Variants in NCKAP5 observed in about 807,000 individuals in gnomAD.
The protein encoded by NCKAP5 is nck-associated protein 5.
Under a neutral mutation model 167.0 loss-of-function variants are expected in NCKAP5, and 92 were observed. That is an observed-to-expected ratio of 0.55 (90% confidence interval 0.47 to 0.66). The LOEUF (loss-of-function observed/expected upper bound fraction) is 0.66, where lower values mean the gene tolerates loss of function less well. Among genes scored for constraint, NCKAP5 ranks in the 30% least tolerant of loss-of-function variants. The probability of loss-of-function intolerance (pLI) is 0.00; values close to 1 mark genes in which losing one functional copy is unlikely to be tolerated. For missense variants in NCKAP5, 2,378 were observed against 2,315.0 expected, an observed-to-expected ratio of 1.03 and a Z score of -0.56; for synonymous variants, 891 against 877.4, an observed-to-expected ratio of 1.02 and a Z score of -0.27.
intron 5 of NCKAP5, among the ~76,000 whole-genome samples, chr2:133,211,181 G>C (rs1403375492): frequency 1.3e-5 from 2 of 151,860 alleles, no homozygotes; most frequent in Non-Finnish European, 2.9e-5. Context: ...ACCTACTTCA[G>C]GTTTTGCTCA....
rs529674129 is a variant in NCKAP5, at chr2:132,790,118, T to C, written c.997A>G (p.Ser333Gly). ...PGHLCPRNSY[S>G]SSSELSLSST... ...GAAAGAGACAGTTCACTGCTGCTAC[T>C]GTAGCTGTTTCGAGGACAGAGATGA... is the stretch of plus-strand genomic sequence containing the variant. The change falls in exon 13 of 20, where the codon AGT becomes GGT. Residue 333 changes from serine to glycine, a missense_variant. By Grantham distance (56) the Ser-to-Gly change is moderately conservative. Coordinates refer to ENST00000409261, the MANE Select transcript of NCKAP5 (RefSeq NM_207363.3). The C allele has an allele frequency of 1.2e-6, 2 of 1,613,682 alleles. No homozygotes were observed. Among genetic ancestry groups the C allele is most frequent in the Non-Finnish European group, 1.7e-6 (2 of 1,179,764 alleles).
At chr2:133,566,657 C>T (rs1182658343) in intron 1 of NCKAP5, among the ~76,000 whole-genome samples, 1 of 152,180 alleles carries the variant, frequency 6.6e-6, no homozygotes, top group East Asian at 1.9e-4. Context: ...GGGACACATG[C>T]TGGAATGAAC....
rs932807133 is a variant in NCKAP5, at chr2:132,782,408, A to C, written c.4403T>G (p.Leu1468Arg). Residue 1468 changes from leucine (L) to arginine (R), a missense_variant, in exon 14 of 20, where the codon CTC (leucine) becomes CGC (arginine). By Grantham distance (102) the Leu-to-Arg change is moderately radical. Transcript: ENST00000409261. ...ATDAVSSEAP[L>R]SPTIEEKVML... ...GACCTTTTCTTCGATTGTGGGTGAG[A>C]GGGGGGCTTCTGAACTCACAGCATC... The C allele has an allele frequency of 6.2e-7, 1 of 1,613,894 alleles. No individual in the cohort carries two copies. The highest frequency in any genetic ancestry group is 1.3e-5 in the African/African-American group (1 of 74,998).
intron 3 of NCKAP5, among the ~76,000 whole-genome samples, chr2:133,508,750 T>C (rs1575079068): frequency 6.6e-6 from 1 of 152,228 alleles, no homozygotes; most frequent in African/African-American, 2.4e-5. Context: ...GAAACTTGTA[T>C]GATCTGATGA....
At chr2:133,093,836 C>A (rs1333637828) in intron 6 of NCKAP5, among the ~76,000 whole-genome samples, 1 of 152,170 alleles carries the variant, frequency 6.6e-6, no homozygotes, top group Non-Finnish European at 1.5e-5. Flanking sequence ...CTAAACTAGG[C>A]AAGGAGTAAT....
At chr2:133,485,710 G>T (rs560513488) in intron 3 of NCKAP5, among the ~76,000 whole-genome samples, 2 of 152,104 alleles carry the variant, frequency 1.3e-5, no homozygotes, top group African/African-American at 4.8e-5. Context: ...ATATTATATG[G>T]ATAACTCACT....
intron 5 of NCKAP5, among the ~76,000 whole-genome samples, chr2:133,173,071 T>C (rs184835415): frequency 9.2e-5 from 14 of 152,250 alleles, no homozygotes; most frequent in African/African-American, 2.9e-4. Flanking sequence ...CACTGAGGGC[T>C]GCATCCTCAA....
At chr2:133,440,151 C>T (rs1690743127) in intron 3 of NCKAP5, among the ~76,000 whole-genome samples, 1 of 152,124 alleles carries the variant, frequency 6.6e-6, no homozygotes, top group South Asian at 2.1e-4. Flanking sequence ...ATAGTAGGAG[C>T]TTGATTGGTA....
chr2:133,544,807 A>G (rs1241880619), intron 2 of NCKAP5, among the ~76,000 whole-genome samples: 2 of 152,218 alleles, frequency 1.3e-5, no homozygotes, highest in Non-Finnish European at 2.9e-5. Context: ...ATGATTACTT[A>G]TACTTTCAGT....
At chr2:133,448,370 G>A (rs145990997) in intron 3 of NCKAP5, among the ~76,000 whole-genome samples, 9 of 152,176 alleles carry the variant, frequency 5.9e-5, no homozygotes, top group Admixed American at 4.6e-4. Flanking sequence ...GTATTTCATT[G>A]ACATGAGAGG....
the NCKAP5 span, among the ~76,000 whole-genome samples, chr2:133,612,912 T>C: frequency 3.3e-5 from 5 of 152,096 alleles, no homozygotes; most frequent in Non-Finnish European, 7.4e-5. Flanking sequence ...CCACACACCA[T>C]TGGTAAGTAG....
At chr2:133,350,954 C>T (rs1232527693) in intron 3 of NCKAP5, among the ~76,000 whole-genome samples, 1 of 152,144 alleles carries the variant, frequency 6.6e-6, no homozygotes, top group Non-Finnish European at 1.5e-5. Context: ...CTTCCACAGA[C>T]TAGATCACAT....
chr2:133,135,755 C>T (rs1025159933), intron 5 of NCKAP5, among the ~76,000 whole-genome samples: 5 of 152,000 alleles, frequency 3.3e-5, no homozygotes, highest in East Asian at 1.9e-4. Flanking sequence ...ATACTGGGGA[C>T]GGTGAACTCA....
At chr2:132,680,983 T>C (rs1289111951) in intron 19 of NCKAP5, among the ~76,000 whole-genome samples, 3 of 152,182 alleles carry the variant, frequency 2.0e-5, no homozygotes, top group Admixed American at 2.0e-4. Flanking sequence ...TGCTTCCGAT[T>C]TGATGAGTTG....
chr2:133,576,353 A>G, the NCKAP5 span, among the ~76,000 whole-genome samples: 1 of 152,356 alleles, frequency 6.6e-6, no homozygotes, highest in African/African-American at 2.4e-5. Context: ...AAAATAATAT[A>G]TTACTGTGTA....
chr2:133,471,716 A>T (rs943948399), intron 3 of NCKAP5, among the ~76,000 whole-genome samples: 2 of 152,138 alleles, frequency 1.3e-5, no homozygotes, highest in African/African-American at 4.8e-5. Flanking sequence ...CTCCTCTTGC[A>T]TGAATCTCTT....
intron 11 of NCKAP5, among the ~76,000 whole-genome samples, chr2:132,850,144 G>A (rs1471453857): frequency 6.6e-6 from 1 of 152,092 alleles, no homozygotes; most frequent in Admixed American, 6.5e-5. Flanking sequence ...ATTTGATCAT[G>A]TTACTAGGTT....
At chr2:132,715,554 G>A (rs1033230076) in intron 19 of NCKAP5, among the ~76,000 whole-genome samples, 1 of 152,138 alleles carries the variant, frequency 6.6e-6, no homozygotes, top group Non-Finnish European at 1.5e-5. Context: ...TAACTTTCAA[G>A]TCTGTAAAGG....
At chr2:133,057,823 G>T (rs1210228759) in intron 6 of NCKAP5, among the ~76,000 whole-genome samples, 3 of 152,212 alleles carry the variant, frequency 2.0e-5, no homozygotes, top group African/African-American at 4.8e-5. Context: ...ATAGATTTTT[G>T]ATATAAATGC....
Sources: gnomAD v4.1 joint callset for allele counts (sites outside exome capture counted in the v4.1 genomes callset) on GRCh38, gnomAD v4.1.1 for gene constraint, MANE v1.5 for transcripts, NCBI Gene and HGNC (gene_info 2026-07-23, HGNC 2026-07-21) for gene names.